Variants in EXOC4 observed in about 807,000 individuals in gnomAD.
The protein encoded by EXOC4 is SEC8-like 1.
Under a neutral mutation model 107.2 loss-of-function variants are expected in EXOC4, and 71 were observed. That is an observed-to-expected ratio of 0.66 (90% CI 0.55 to 0.81). The LOEUF is 0.81. Among genes scored for constraint, EXOC4 ranks in the 30% least tolerant of loss-of-function variants. The probability of loss-of-function intolerance (pLI) is 0.00; values close to 1 mark genes in which losing one functional copy is unlikely to be tolerated. For missense variants in EXOC4, 1,108 were observed against 1,189.6 expected (o/e 0.93, Z 1.01); for synonymous variants, 456 against 441.2 (o/e 1.03, Z -0.42).
At chr7:133,362,005 A>C (rs1028347414) in intron 6 of EXOC4, among the ~76,000 whole-genome samples, 16 of 152,126 alleles carry the variant, frequency 1.1e-4, no homozygotes, top group Non-Finnish European at 2.4e-4. Flanking sequence ...ATTGATTTGT[A>C]GGAACTCTTT....
At chr7:133,608,641 C>T (rs1191079717) in intron 9 of EXOC4, among the ~76,000 whole-genome samples, 1 of 148,366 alleles carries the variant, frequency 6.7e-6, no homozygotes, top group Non-Finnish European at 1.5e-5. Context: ...CCTCTTACTC[C>T]CTGGTTCAAG....
chr7:133,701,755 A>C (rs1794659590), intron 10 of EXOC4, among the ~76,000 whole-genome samples: 1 of 152,136 alleles, frequency 6.6e-6, no homozygotes, highest in African/African-American at 2.4e-5. Context: ...AGATATCTTA[A>C]GGTTGGACCC....
At chr7:133,272,222 A>G (rs1178319780) in intron 1 of EXOC4, among the ~76,000 whole-genome samples, 1 of 152,190 alleles carries the variant, frequency 6.6e-6, no homozygotes, top group Non-Finnish European at 1.5e-5. Context: ...GGTCATGAGT[A>G]GTCAGTAGGG....
chr7:133,288,186 T>A (rs1273867542), intron 2 of EXOC4, among the ~76,000 whole-genome samples: 1 of 152,142 alleles, frequency 6.6e-6, no homozygotes, highest in Middle Eastern at 3.2e-3. Flanking sequence ...AATGGAAAAT[T>A]TTCAATTAGG....
intron 14 of EXOC4, among the ~76,000 whole-genome samples, chr7:133,940,116 T>C (rs879373386): frequency 2.6e-5 from 4 of 152,212 alleles, no homozygotes; most frequent in African/African-American, 4.8e-5. Flanking sequence ...CAATCTCTTA[T>C]TTCTAATGAC....
At chr7:134,033,309 T>A (rs1795310384) in intron 17 of EXOC4, among the ~76,000 whole-genome samples, 1 of 152,222 alleles carries the variant, frequency 6.6e-6, no homozygotes, top group Non-Finnish European at 1.5e-5. Flanking sequence ...ATCCAGAAGT[T>A]GTTCTTGAAA....
At chr7:133,293,583 G>A (rs1794454351) in intron 3 of EXOC4, among the ~76,000 whole-genome samples, 1 of 152,208 alleles carries the variant, frequency 6.6e-6, no homozygotes, top group Admixed American at 6.5e-5. Flanking sequence ...ACTCCATGGT[G>A]ACCCATTGCT....
intron 5 of EXOC4, among the ~76,000 whole-genome samples, chr7:133,355,023 G>T (rs1432169920): frequency 6.6e-6 from 1 of 152,182 alleles, no homozygotes; most frequent in African/African-American, 2.4e-5. Context: ...AATAGGGACT[G>T]AGGAGAATGC....
intron 14 of EXOC4, among the ~76,000 whole-genome samples, chr7:133,987,726 C>T (rs1794151870): frequency 6.6e-6 from 1 of 152,112 alleles, no homozygotes; most frequent in Non-Finnish European, 1.5e-5. Flanking sequence ...TCCTTTCGTG[C>T]CGAGATAACC....
At chr7:133,822,723 C>G (rs1328603582) in intron 11 of EXOC4, among the ~76,000 whole-genome samples, 1 of 152,176 alleles carries the variant, frequency 6.6e-6, no homozygotes. Context: ...AACCTCACTC[C>G]ACTCTGGAAA....
chr7:133,566,446 G>A (rs1236231821), intron 9 of EXOC4, among the ~76,000 whole-genome samples: 1 of 152,166 alleles, frequency 6.6e-6, no homozygotes, highest in African/African-American at 2.4e-5. Flanking sequence ...CATACAGTGA[G>A]CACTTAAGTG....
chr7:133,645,418 TTC>T (rs1411037368), intron 10 of EXOC4, among the ~76,000 whole-genome samples: 12 of 151,822 alleles, frequency 7.9e-5, no homozygotes, highest in African/African-American at 2.9e-4. Flanking sequence ...ATTCCTCCTC[TTC>T]TCTCAGTGGT....
rs112707236 is a variant in EXOC4, at chr7:134,050,285, C to T, written c.2688-14006C>T. ...GTAACAAAAAATATTATGTGCCAGG[C>T]GCTGTTCTAAGCACTTTATAAATAT... On this transcript the variant is annotated intron_variant, in intron 17 of 17. Transcript: ENST00000253861. 4.9e-3 allele frequency among the ~76,000 whole-genome samples: 740 copies of T among 152,234 alleles called. 5 individuals carry two copies. The highest frequency in any genetic ancestry group is 0.019 in the South Asian group (90 of 4,818).
chr7:133,268,514 C>T (rs760051498), intron 1 of EXOC4, among the ~76,000 whole-genome samples: 3 of 152,010 alleles, frequency 2.0e-5, no homozygotes, highest in East Asian at 1.9e-4. Context: ...TTCTCCTGTC[C>T]GGACTCCATT....
chr7:133,414,839 G>C (rs534643156), intron 7 of EXOC4, among the ~76,000 whole-genome samples: 6 of 152,168 alleles, frequency 3.9e-5, no homozygotes, highest in African/African-American at 1.4e-4. Flanking sequence ...TGTTCACAGA[G>C]TTGTGTATCT....
At chr7:133,546,167 ATATC>A (rs988779287) in intron 9 of EXOC4, among the ~76,000 whole-genome samples, 6 of 151,690 alleles carry the variant, frequency 4.0e-5, no homozygotes, top group African/African-American at 1.2e-4. Context: ...TTTTTAAACT[ATATC>A]TATTTTATTT....
At chr7:133,823,338 A>G (rs1797570273) in intron 11 of EXOC4, among the ~76,000 whole-genome samples, 1 of 152,110 alleles carries the variant, frequency 6.6e-6, no homozygotes, top group African/African-American at 2.4e-5. Flanking sequence ...AGAATCACCC[A>G]GGAACTTCCT....
intron 1 of EXOC4, among the ~76,000 whole-genome samples, chr7:133,264,784 G>C (rs1264041756): frequency 1.3e-5 from 2 of 152,146 alleles, no homozygotes; most frequent in East Asian, 3.9e-4. Context: ...AGAATAATAG[G>C]CTTGGAAAAC....
chr7:134,013,491 T>C (rs1204215803), intron 17 of EXOC4, among the ~76,000 whole-genome samples: 2 of 152,108 alleles, frequency 1.3e-5, no homozygotes, highest in Non-Finnish European at 2.9e-5. Context: ...GGAACAAAAA[T>C]AACATTAGGT....
Sources: allele counts gnomAD v4.1 joint callset (sites outside exome capture counted in the v4.1 genomes callset), GRCh38; gene constraint gnomAD v4.1.1; transcripts MANE v1.5; gene names NCBI Gene and HGNC (gene_info 2026-07-23, HGNC 2026-07-21).